The following LMAN1 variants were observed in gnomAD, a reference collection of about 807,000 sequenced individuals.
LMAN1 encodes protein ERGIC-53.
Under a neutral mutation model 67.8 loss-of-function variants are expected in LMAN1, and 32 were observed. The ratio of observed to expected loss-of-function variants is 0.47; its 90% confidence interval spans 0.36 to 0.63. The LOEUF (loss-of-function observed/expected upper bound fraction) is 0.63. LMAN1 is among the 30% of genes least tolerant of loss of function. The probability of loss-of-function intolerance (pLI) is 0.00; values close to 1 mark genes in which losing one functional copy is unlikely to be tolerated. For synonymous variants in LMAN1, 235 were observed against 219.3 expected, an observed-to-expected ratio of 1.07 and a Z score of -0.63; for missense variants, 632 against 628.2, an observed-to-expected ratio of 1.01 and a Z score of -0.06.
rs139179811 is a variant in LMAN1, at chr18:59,356,452, C to T, written c.215-794G>A. Among the ~76,000 whole-genome samples the T allele has an allele frequency of 6.5e-4, 99 of 152,286 alleles. No individual in the cohort carries two copies. The East Asian group carries it at 0.016, about 24-fold the overall frequency. ...ATGTTTCAATAAATGTTAGCTATTT[C>T]TCCTATTATTAGACTAGGTAATTAC... On this transcript the variant is annotated intron_variant, in intron 1 of 12. Transcript: ENST00000251047.
At chr18:59,354,480 A>T (rs1033190881) in intron 4 of LMAN1, 39 bp downstream of exon 4, 3 of 1,118,482 alleles carry the variant, frequency 2.7e-6, no homozygotes, top group Non-Finnish European at 4.1e-6. Context: ...TTCCAAAAAG[A>T]AGCTGAAATC....
At chr18:59,335,416 A>G (rs1908119431) in intron 10 of LMAN1, among the ~76,000 whole-genome samples, 1 of 151,784 alleles carries the variant, frequency 6.6e-6, no homozygotes, top group Non-Finnish European at 1.5e-5. Flanking sequence ...CTAGGCAACA[A>G]GAGCAAAACT....
intron 9 of LMAN1, 63 bp from the exon 10 acceptor site, chr18:59,338,690 T>G: frequency 3.1e-6 from 5 of 1,603,134 alleles, no homozygotes; most frequent in Non-Finnish European, 4.3e-6. Flanking sequence ...CATAGTACAG[T>G]TGCCCTTCTT....
chr18:59,353,059 C>T, intron 5 of LMAN1, 143 bp downstream of exon 5: 1 of 721,856 alleles, frequency 1.4e-6, no homozygotes, highest in Non-Finnish European at 2.4e-6. Context: ...AGCTGTGAAG[C>T]CACCTCCGTT....
intron 8 of LMAN1, among the ~76,000 whole-genome samples, chr18:59,340,723 C>A (rs1187722077): frequency 2.0e-5 from 3 of 152,020 alleles, no homozygotes; most frequent in Admixed American, 6.6e-5. Flanking sequence ...AAAACAATCA[C>A]AGAGGGGAGG....
intron 3 of LMAN1, 142 bp from the exon 4 acceptor site, chr18:59,354,722 T>C: frequency 1.8e-6 from 1 of 549,636 alleles, no homozygotes; most frequent in East Asian, 2.9e-5. Flanking sequence ...CTCAAGGAAT[T>C]ACTAAAGTTC....
chr18:59,355,601 C>T lies in LMAN1; in HGVS notation c.272G>A (p.Gly91Asp). 1 of 1,614,086 alleles carries T rather than the reference C, an allele frequency of 6.2e-7. No homozygotes were observed. The highest frequency in any genetic ancestry group is 1.1e-5 in the South Asian group (1 of 91,070). Reference sequence around the variant, plus strand: ...CGCTTTTGTCTTTGTCCACACTGAGCCTCTTTGGCTTTTTAAAGATGGTGC... The same window carrying T: ...CGCTTTTGTCTTTGTCCACACTGAGTCTCTTTGGCTTTTTAAAGATGGTGC... ...RVAPSLKSQR[G>D]SVWTKTKAAF... Residue 91 changes from glycine to aspartate, a missense_variant, in exon 2 of 13, where the codon GGC (glycine) becomes GAC (aspartate). Transcript: ENST00000251047.
chr18:59,353,826 G>A (rs976442837), intron 4 of LMAN1, among the ~76,000 whole-genome samples: 15 of 152,276 alleles, frequency 9.9e-5, no homozygotes, highest in South Asian at 6.2e-4. Context: ...CTCAGATGCT[G>A]AAGTCCCTTA....
intron 8 of LMAN1, 39 bp from the exon 9 acceptor site, chr18:59,338,992 C>T: frequency 1.3e-6 from 2 of 1,567,682 alleles, no homozygotes; most frequent in Non-Finnish European, 1.7e-6. Context: ...GAGTCACCTA[C>T]ACATATGTAG....
chr18:59,341,359 T>TA (rs1308651911), intron 8 of LMAN1, among the ~76,000 whole-genome samples: 6 of 152,266 alleles, frequency 3.9e-5, no homozygotes, highest in African/African-American at 1.4e-4. Flanking sequence ...CAAATGGACT[T>TA]AGACATTTAC....
At position 59,331,286 on chromosome 18, in the gene LMAN1, T is replaced by C. The variant is rs1321390298; in HGVS notation, c.1496+132A>G. 8.1e-6 allele frequency: 9 copies of C among 1,117,872 alleles called. No homozygotes were observed. The East Asian group carries it at 2.2e-4, about 28-fold the overall frequency. The allele number at this position is 1,117,872 out of a possible 1,614,324, so 69.2% of individuals were successfully genotyped here. ...CACGTGCACTTTATGTGAACTGAAA[T>C]GAACAGAAATCACAATAAACTTAAT... On this transcript the variant is annotated intron_variant, in intron 12 of 12. Transcript: ENST00000251047.
chr18:59,355,512 C>T lies in LMAN1; in HGVS notation c.361G>A (p.Asp121Asn). The T allele has an allele frequency of 1.9e-6, 3 of 1,614,090 alleles. No individual in the cohort carries two copies. The highest frequency in any genetic ancestry group is 2.5e-6 in the Non-Finnish European group (3 of 1,179,970). ...RVTGRGRIGADGLAIWYAENQ... is the reference protein window; with the variant it reads ...RVTGRGRIGANGLAIWYAENQ... ...TAAAGAAATGATCATACTAGGCCAT[C>T]AGCTCCAATTCGACCTCTTCCAGTC... is the stretch of plus-strand genomic sequence containing the variant. Residue 121 changes from aspartate to asparagine, a missense_variant, in exon 2 of 13, where the codon GAT (aspartate) becomes AAT (asparagine). Coordinates refer to ENST00000251047, the MANE Select transcript of LMAN1 (RefSeq NM_005570.4).
chr18:59,332,288 A>G (rs1438901684), intron 11 of LMAN1, among the ~76,000 whole-genome samples: 1 of 151,680 alleles, frequency 6.6e-6, no homozygotes, highest in African/African-American at 2.4e-5. Context: ...GGGACAGATA[A>G]TAATGCTTTG....
intron 10 of LMAN1, 41 bp from the exon 11 acceptor site, chr18:59,333,285 AG>A (rs2070760139): frequency 1.3e-6 from 2 of 1,567,266 alleles, no homozygotes; most frequent in Non-Finnish European, 1.7e-6. Flanking sequence ...ATCACTATAA[AG>A]TTTTTTTTTT....
intron 8 of LMAN1, among the ~76,000 whole-genome samples, chr18:59,339,758 G>T (rs1908246065): frequency 2.0e-5 from 3 of 152,098 alleles, no homozygotes; most frequent in African/African-American, 7.2e-5. Context: ...GGTCCCTCCT[G>T]CCTTGCTGAA....
In LMAN1 at chr18:59,330,274, A is replaced by G. The variant is rs2070739449; in HGVS notation, c.*819T>C. 1 of 152,622 alleles carries G rather than the reference A, an allele frequency of 6.6e-6. No individual in the cohort carries two copies. Among genetic ancestry groups the G allele is most frequent in the African/African-American group, 2.4e-5 (1 of 41,456 alleles). The allele number at this position is 152,622 out of a possible 1,614,324, so 9.5% of individuals were successfully genotyped here. A position where few individuals can be genotyped will look rare whatever the true frequency, so the allele number is the denominator to read the frequency against. ...TGAATTTACATGCTGTAGTAAAGGG[A>G]GAAATAAATTCCTTAAGTTACAAAT... On this transcript the variant is annotated 3_prime_UTR_variant, in exon 13 of 13. Transcript: ENST00000251047.
chr18:59,337,456 T>C (rs1908184598), intron 10 of LMAN1, among the ~76,000 whole-genome samples: 1 of 152,172 alleles, frequency 6.6e-6, no homozygotes, highest in Admixed American at 6.5e-5. Context: ...GATTGAATTG[T>C]ATCAATGTTA....
intron 8 of LMAN1, among the ~76,000 whole-genome samples, chr18:59,345,378 A>G (rs960477651): frequency 6.6e-6 from 1 of 152,234 alleles, no homozygotes; most frequent in Non-Finnish European, 1.5e-5. Context: ...CTAGTATTTT[A>G]TAATTTTCAA....
intron 8 of LMAN1, among the ~76,000 whole-genome samples, chr18:59,342,368 T>C (rs770250713): frequency 6.6e-6 from 1 of 151,712 alleles, no homozygotes; most frequent in Non-Finnish European, 1.5e-5. Context: ...CACAAAAAAA[T>C]AGAAAACTAC....
Sources: allele counts gnomAD v4.1 joint callset (sites outside exome capture counted in the v4.1 genomes callset), GRCh38; gene constraint gnomAD v4.1.1; transcripts MANE v1.5; gene names NCBI Gene and HGNC (gene_info 2026-07-23, HGNC 2026-07-21).